The following CHD9 variants were observed in gnomAD, a reference collection of about 807,000 sequenced individuals.
CHD9 encodes chromodomain helicase DNA binding protein 9, also known as ATP-dependent chromatin remodeler CHD9.
CHD9 carries 77 observed loss-of-function variants against 316.1 expected under a neutral mutation model. That is an observed-to-expected ratio of 0.24 (90% CI 0.20 to 0.29). The LOEUF (loss-of-function observed/expected upper bound fraction) is 0.29. Ranked by LOEUF, CHD9 falls within the 10% of genes least tolerant of loss-of-function variation. The probability of loss-of-function intolerance (pLI) is 1.00; values close to 1 mark genes in which losing one functional copy is unlikely to be tolerated. For missense variants in CHD9, 2,763 were observed against 3,438.1 expected (o/e 0.80, Z 4.91); for synonymous variants, 1,129 against 1,158.3 (o/e 0.97, Z 0.51).
chr16:53,145,378 C>T (rs1160909017), intron 1 of CHD9, among the ~76,000 whole-genome samples: 3 of 151,140 alleles, frequency 2.0e-5, no homozygotes, highest in Admixed American at 1.3e-4. Flanking sequence ...CTCGAACTAC[C>T]GACCTCAGGT....
rs114106345 is a variant in CHD9, at chr16:53,196,918, A to C, written c.1453-12564A>C. Among the ~76,000 whole-genome samples the C allele has an allele frequency of 3.1e-3, 471 of 152,306 alleles. 7 individuals are homozygous for C. Among genetic ancestry groups the C allele is most frequent in the African/African-American group, 0.011 (456 of 41,570 alleles). ...TTGAAGATTTATGAGTTAATGATTA[A>C]CATACTTCTTCAGAAGAAAAGTATA... is the stretch of plus-strand genomic sequence containing the variant. On this transcript the variant is annotated intron_variant, in intron 2 of 38. Transcript: ENST00000447540.
At chr16:53,307,500 G>T (rs574770474) in intron 32 of CHD9, among the ~76,000 whole-genome samples, 181 bp from the exon 33 acceptor site, 2 of 152,146 alleles carry the variant, frequency 1.3e-5, no homozygotes, top group South Asian at 4.1e-4. Flanking sequence ...CTTCACCAAA[G>T]GGAATCTGTA....
At chr16:53,085,444 C>T (rs531563641) in intron 1 of CHD9, among the ~76,000 whole-genome samples, 118 of 152,190 alleles carry the variant, frequency 7.8e-4, no homozygotes, top group African/African-American at 2.8e-3. Flanking sequence ...TTGGGGAGGA[C>T]CTTCTATCCC....
intron 13 of CHD9, among the ~76,000 whole-genome samples, chr16:53,243,554 C>T (rs2049290377): frequency 1.3e-5 from 2 of 152,182 alleles, no homozygotes; most frequent in Admixed American, 1.3e-4. Flanking sequence ...CTCAGGTTAT[C>T]CACCCGCCTC....
chr16:53,139,854 T>A (rs2039972628), intron 1 of CHD9, among the ~76,000 whole-genome samples: 1 of 152,096 alleles, frequency 6.6e-6, no homozygotes, highest in Non-Finnish European at 1.5e-5. Context: ...TCCCAGCACT[T>A]TGGGAGGCTG....
At chr16:53,185,878 T>A (rs2152816229) in intron 2 of CHD9, among the ~76,000 whole-genome samples, 1 of 152,336 alleles carries the variant, frequency 6.6e-6, no homozygotes, top group East Asian at 1.9e-4. Context: ...AGTCAAGAAT[T>A]GAGGTTTGGG....
At chr16:53,119,906 C>G (rs556211620) in intron 1 of CHD9, among the ~76,000 whole-genome samples, 1 of 151,892 alleles carries the variant, frequency 6.6e-6, no homozygotes, top group African/African-American at 2.4e-5. Context: ...TTTTGTTGAA[C>G]CTTATACAAG....
At chr16:53,102,995 G>A (rs1470708377) in intron 1 of CHD9, among the ~76,000 whole-genome samples, 6 of 151,740 alleles carry the variant, frequency 4.0e-5, no homozygotes, top group African/African-American at 1.4e-4. Flanking sequence ...ACAGGCACCC[G>A]CCACCACCCC....
At chr16:53,062,070 C>T (rs2032972532) in intron 1 of CHD9, among the ~76,000 whole-genome samples, 1 of 152,214 alleles carries the variant, frequency 6.6e-6, no homozygotes, top group Admixed American at 6.5e-5. Context: ...GCAGGTGCTC[C>T]ACCCACGCTG....
intron 1 of CHD9, among the ~76,000 whole-genome samples, chr16:53,151,361 C>T (rs992313537): frequency 2.6e-5 from 4 of 151,812 alleles, no homozygotes; most frequent in African/African-American, 7.3e-5. Flanking sequence ...AAGTGATTCT[C>T]CTGCCTCAGC....
intron 3 of CHD9, among the ~76,000 whole-genome samples, chr16:53,210,954 T>G (rs939917107): frequency 2.6e-5 from 4 of 152,112 alleles, no homozygotes; most frequent in African/African-American, 9.7e-5. Context: ...GATTTCTACT[T>G]CTTTTATTGT....
At chr16:53,226,578 A>T in intron 5 of CHD9, 66 bp downstream of exon 5, 6 of 1,527,442 alleles carry the variant, frequency 3.9e-6, no homozygotes, top group Non-Finnish European at 5.3e-6. Context: ...AAATACTTGC[A>T]TTGTTTTTCC....
intron 27 of CHD9, 22 bp downstream of exon 27, chr16:53,288,036 T>C: frequency 6.4e-7 from 1 of 1,566,240 alleles, no homozygotes; most frequent in Non-Finnish European, 8.8e-7. Context: ...ATCATATTTT[T>C]AAATCCTCAA....
chr16:53,172,836 C>G (rs542088897), intron 2 of CHD9, among the ~76,000 whole-genome samples: 68 of 152,176 alleles, frequency 4.5e-4, no homozygotes, highest in Admixed American at 2.9e-3. Context: ...GGTGAAGTCC[C>G]TGAAATTTTT....
chr16:53,297,630 A>G (rs138258568), intron 30 of CHD9, among the ~76,000 whole-genome samples: 1 of 152,202 alleles, frequency 6.6e-6, no homozygotes, highest in Non-Finnish European at 1.5e-5. Flanking sequence ...CATTGATGCA[A>G]CTCAACTAAG....
intron 2 of CHD9, among the ~76,000 whole-genome samples, chr16:53,163,415 C>T (rs537065266): frequency 2.5e-3 from 387 of 152,118 alleles, no homozygotes; most frequent in Non-Finnish European, 4.7e-3. Context: ...TCTCCATGTT[C>T]GTCAGGCTGG....
At chr16:53,087,914 C>A (rs1388915547) in intron 1 of CHD9, among the ~76,000 whole-genome samples, 1 of 151,446 alleles carries the variant, frequency 6.6e-6, no homozygotes, top group Non-Finnish European at 1.5e-5. Context: ...TGCCATTGCA[C>A]TCCAGCCTGG....
chr16:53,193,454 A>G (rs1478560740), intron 2 of CHD9, among the ~76,000 whole-genome samples: 1 of 137,326 alleles, frequency 7.3e-6, no homozygotes, highest in Non-Finnish European at 1.6e-5. Context: ...GTCCCAAAAT[A>G]AGAAAAAAAA....
intron 2 of CHD9, among the ~76,000 whole-genome samples, chr16:53,185,664 A>G (rs1041200289): frequency 1.3e-5 from 2 of 152,210 alleles, no homozygotes; most frequent in African/African-American, 4.8e-5. Context: ...TCACAGACCC[A>G]GAGAACTAGG....
Sources: gnomAD v4.1 joint callset for allele counts (sites outside exome capture counted in the v4.1 genomes callset) on GRCh38, gnomAD v4.1.1 for gene constraint, MANE v1.5 for transcripts, NCBI Gene and HGNC (gene_info 2026-07-23, HGNC 2026-07-21) for gene names.